Variants in LNX1 observed in about 807,000 individuals in gnomAD.
LNX1 encodes the protein E3 ubiquitin-protein ligase LNX.
Under a neutral mutation model 68.4 loss-of-function variants are expected in LNX1, and 54 were observed. The ratio of observed to expected loss-of-function variants is 0.79; its 90% CI spans 0.63 to 0.99. The LOEUF (loss-of-function observed/expected upper bound fraction) is 0.99. LNX1 is among the 50% of genes least tolerant of loss of function. The probability of loss-of-function intolerance (pLI) is 0.00; values close to 1 mark genes in which losing one functional copy is unlikely to be tolerated. For missense variants in LNX1, 906 were observed against 926.4 expected (o/e 0.98, Z 0.29); for synonymous variants, 336 against 350.0 (o/e 0.96, Z 0.45).
At chr4:53,570,543 T>C (rs985352057) in intron 2 of LNX1, among the ~76,000 whole-genome samples, 36 of 147,214 alleles carry the variant, frequency 2.4e-4, no homozygotes, top group Non-Finnish European at 5.0e-4. Flanking sequence ...AGGGATAGCA[T>C]TGGGCGATAT....
intron 2 of LNX1, among the ~76,000 whole-genome samples, chr4:53,518,965 C>T (rs372788192): frequency 1.3e-5 from 2 of 152,238 alleles, no homozygotes; most frequent in East Asian, 3.8e-4. Flanking sequence ...TTGGCATCTT[C>T]AGCCTGGAGT....
intron 6 of LNX1, among the ~76,000 whole-genome samples, chr4:53,491,959 G>A (rs879710494): frequency 6.6e-6 from 1 of 151,862 alleles, no homozygotes; most frequent in Non-Finnish European, 1.5e-5. Context: ...GGCTAATTTT[G>A]TATTTTTAGT....
intron 1 of LNX1, among the ~76,000 whole-genome samples, chr4:53,589,546 G>A (rs1577767595): frequency 6.6e-6 from 1 of 152,184 alleles, no homozygotes; most frequent in African/African-American, 2.4e-5. Flanking sequence ...CCAGGCATTG[G>A]TCGCTGGATG....
intron 2 of LNX1, among the ~76,000 whole-genome samples, chr4:53,548,531 A>C (rs1327659930): frequency 6.6e-6 from 1 of 152,200 alleles, no homozygotes; most frequent in Non-Finnish European, 1.5e-5. Flanking sequence ...ATATTTCTCC[A>C]GTCTCTTAAA....
rs1191618421 is a variant in LNX1, at chr4:53,462,059, T to A, written c.1893-466A>T. On this transcript the variant is annotated intron_variant, in intron 9 of 10. Transcript: ENST00000263925. The stretch of plus-strand genomic sequence containing the variant: ...AATCCTAATAAATGAATTCGTATAC[T>A]TTTTTTGACCTTGGAAAAATACCAC... Among the ~76,000 whole-genome samples the A allele has an allele frequency of 2.0e-5, 3 of 152,068 alleles. No homozygotes were observed. The South Asian group carries it at 6.2e-4, about 31-fold the overall frequency.
At chr4:53,613,305 T>G (rs1733563454) in intron 2 of LNX1, among the ~76,000 whole-genome samples, 2 of 152,094 alleles carry the variant, frequency 1.3e-5, no homozygotes. Context: ...CTTGCCAGTT[T>G]GAGGGTTTCT....
At chr4:53,521,820 C>A (rs1727246087) in intron 2 of LNX1, among the ~76,000 whole-genome samples, 1 of 152,098 alleles carries the variant, frequency 6.6e-6, no homozygotes, top group Non-Finnish European at 1.5e-5. Flanking sequence ...TTGGTTACTG[C>A]TCTGCTGGAT....
At chr4:53,535,301 C>G (rs1398129199) in intron 2 of LNX1, among the ~76,000 whole-genome samples, 11 of 152,132 alleles carry the variant, frequency 7.2e-5, no homozygotes, top group Non-Finnish European at 1.2e-4. Context: ...CTCTTTTAGT[C>G]CTTTTTGCAA....
chr4:53,548,414 T>C (rs1407917672), intron 2 of LNX1, among the ~76,000 whole-genome samples: 2 of 152,252 alleles, frequency 1.3e-5, no homozygotes, highest in African/African-American at 4.8e-5. Context: ...TAGTAGTATA[T>C]GTATATAATT....
chr4:53,496,132 C>A lies in LNX1; in HGVS notation c.1241G>T (p.Gly414Val). ...PGVFIFNVLD[G>V]GVAYRHGQLE... ...CTGACCATGTCGATATGCCACACCG[C>A]CATCCAGCACATTGAAGATGAAAAC... Residue 414 changes from glycine to valine, a missense_variant, in exon 6 of 11, where the codon GGC (glycine) becomes GTC (valine). Physicochemically the swap from Gly to Val is moderately radical, Grantham distance 109. Transcript: ENST00000263925. 1 of 1,614,154 alleles carries A rather than the reference C, an allele frequency of 6.2e-7. No homozygotes were observed. Among genetic ancestry groups the A allele is most frequent in the Non-Finnish European group, 8.5e-7 (1 of 1,180,026 alleles).
At chr4:53,462,421 T>A (rs956600829) in intron 9 of LNX1, among the ~76,000 whole-genome samples, 1 of 152,092 alleles carries the variant, frequency 6.6e-6, no homozygotes, top group African/African-American at 2.4e-5. Context: ...CAGGATGACG[T>A]TGTTGACCAC....
intron 2 of LNX1, among the ~76,000 whole-genome samples, chr4:53,568,609 G>GGGGGCACAAGACAGT (rs369126631): frequency 6.6e-6 from 1 of 151,644 alleles, no homozygotes; most frequent in Non-Finnish European, 1.5e-5. Flanking sequence ...CACAAGACAG[G>GGGGGCACAAGACAGT]GATGCCCTCT....
chr4:53,549,912 A>G (rs17716956), intron 2 of LNX1, among the ~76,000 whole-genome samples: 9,079 of 152,286 alleles, frequency 0.06, 354 homozygotes, highest in Middle Eastern at 0.14. Context: ...AACTAGAAAG[A>G]CAAGCACAAT....
intron 2 of LNX1, among the ~76,000 whole-genome samples, chr4:53,542,623 G>A (rs1485370386): frequency 6.6e-6 from 1 of 152,196 alleles, no homozygotes; most frequent in Non-Finnish European, 1.5e-5. Flanking sequence ...AAATAGGTTA[G>A]ACATGGGTAC....
rs563322055 is a variant in LNX1 at position 53,471,894 on chromosome 4, G to A, written c.1892+4859C>T. 6.3e-4 allele frequency among the ~76,000 whole-genome samples: 96 copies of A among 152,282 alleles called. 1 individual carries two copies. Among genetic ancestry groups the A allele is most frequent in the South Asian group, 5.6e-3 (27 of 4,816 alleles). On this transcript the variant is annotated intron_variant, in intron 9 of 10. Coordinates refer to ENST00000263925, the MANE Select transcript of LNX1 (RefSeq NM_001126328.3). Reference sequence around the variant, plus strand: ...ACACTTTTACACTGTTGGTGGGACTGTAAACTAGTTCAACCATTGTGGAAG... The same window carrying A: ...ACACTTTTACACTGTTGGTGGGACTATAAACTAGTTCAACCATTGTGGAAG...
intron 5 of LNX1, among the ~76,000 whole-genome samples, chr4:53,497,928 G>A (rs1194388958): frequency 1.3e-5 from 2 of 152,220 alleles, no homozygotes; most frequent in African/African-American, 4.8e-5. Flanking sequence ...CTGAGTGTCA[G>A]ATAGAAAATA....
rs567519101 is a variant in LNX1, at chr4:53,461,500, T to C, written c.1986A>G (p.Gly662=). 1 of 1,612,628 alleles carries C rather than the reference T, an allele frequency of 6.2e-7. No homozygotes were observed. Among genetic ancestry groups the C allele is most frequent in the South Asian group, 1.1e-5 (1 of 90,964 alleles). The part of the protein sequence containing the change: ...CIVGGYEEYN[G]NKPFFIKSIV... ...TGGATTTGATGAAAAAAGGTTTGTT[T>C]CCATTGTATTCTTCATAACCTCCTA... Residue 662 remains glycine (G), a synonymous_variant, in exon 10 of 11, where the codon GGA becomes GGG. Coordinates refer to ENST00000263925, the MANE Select transcript of LNX1 (RefSeq NM_001126328.3).
rs1288366218 is a variant in LNX1 at position 53,461,444 on chromosome 4, C to T, written c.2042G>A (p.Gly681Glu). ...TAGTCATTATTATTACCTAATTCTTCCATCATTGTATGCTGGTGTTCCTTC... is the reference window on the plus strand; with the variant it reads ...TAGTCATTATTATTACCTAATTCTTTCATCATTGTATGCTGGTGTTCCTTC... ...IVEGTPAYNDGRIRCGDILLA... is the reference protein window; with the variant it reads ...IVEGTPAYNDERIRCGDILLA... Residue 681 changes from glycine (G) to glutamate (E), a missense_variant, in exon 10 of 11, where the codon GGA becomes GAA. By Grantham distance (98) the Gly-to-Glu change is moderately conservative. Transcript: ENST00000263925. 6.2e-7 allele frequency: 1 copy of T among 1,605,760 alleles called. No individual in the cohort carries two copies. The highest frequency in any genetic ancestry group is 1.3e-5 in the African/African-American group (1 of 74,542).
At chr4:53,497,506 G>A (rs1382318560) in intron 5 of LNX1, among the ~76,000 whole-genome samples, 2 of 152,214 alleles carry the variant, frequency 1.3e-5, no homozygotes, top group Admixed American at 6.5e-5. Context: ...CCAAGCACAG[G>A]TGAGGAGAGC....
Sources: gnomAD v4.1 joint callset for allele counts (sites outside exome capture counted in the v4.1 genomes callset) on GRCh38, gnomAD v4.1.1 for gene constraint, MANE v1.5 for transcripts, NCBI Gene and HGNC (gene_info 2026-07-23, HGNC 2026-07-21) for gene names.